Variants in MGMT observed in about 807,000 individuals in gnomAD.
MGMT encodes methylated-DNA--protein-cysteine methyltransferase.
MGMT carries 14 observed loss-of-function variants against 15.9 expected under a neutral mutation model. The ratio of observed to expected loss-of-function variants is 0.88; its 90% CI spans 0.58 to 1.37. The LOEUF is 1.37. Ranked by LOEUF, MGMT falls within the 40% of genes most tolerant of loss-of-function variation. The pLI is 0.00. For synonymous variants in MGMT, 130 were observed against 118.2 expected, an observed-to-expected ratio of 1.10 and a Z score of -0.65; for missense variants, 282 against 268.1, an observed-to-expected ratio of 1.05 and a Z score of -0.36.
At chr10:129,531,814 G>T (rs1845936063) in intron 1 of MGMT, among the ~76,000 whole-genome samples, 2 of 150,660 alleles carry the variant, frequency 1.3e-5, no homozygotes, top group Admixed American at 6.6e-5. Context: ...GTGGGGGTGG[G>T]TTCCAGCTCA....
At chr10:129,763,017 G>A (rs1357697837) in intron 4 of MGMT, among the ~76,000 whole-genome samples, 3 of 152,110 alleles carry the variant, frequency 2.0e-5, no homozygotes, top group South Asian at 2.1e-4. Context: ...ATATTCAGCC[G>A]GTACCAGAAT....
At chr10:129,723,305 A>G (rs941948501) in intron 3 of MGMT, among the ~76,000 whole-genome samples, 13 of 152,226 alleles carry the variant, frequency 8.5e-5, no homozygotes, top group African/African-American at 2.6e-4. Context: ...CCCAAAGTCT[A>G]TTGTGTCATT....
intron 1 of MGMT, among the ~76,000 whole-genome samples, chr10:129,490,740 C>T (rs2119655983): frequency 6.6e-6 from 1 of 152,218 alleles, no homozygotes; most frequent in East Asian, 1.9e-4. Context: ...TATCTGTCTT[C>T]TATTTGTCCC....
At chr10:129,560,111 G>T (rs1209146650) in intron 2 of MGMT, among the ~76,000 whole-genome samples, 1 of 152,232 alleles carries the variant, frequency 6.6e-6, no homozygotes, top group Non-Finnish European at 1.5e-5. Context: ...TGTGAAAAAG[G>T]TGCCTTCATT....
chr10:129,646,752 A>ATT (rs1180606132), intron 2 of MGMT, among the ~76,000 whole-genome samples: 2 of 81,890 alleles, frequency 2.4e-5, no homozygotes, highest in African/African-American at 8.5e-5. Flanking sequence ...ATATATATAT[A>ATT]TATTTTCAGG....
At chr10:129,676,465 G>A (rs1847787303) in intron 2 of MGMT, among the ~76,000 whole-genome samples, 1 of 152,182 alleles carries the variant, frequency 6.6e-6, no homozygotes, top group South Asian at 2.1e-4. Flanking sequence ...CTGTGAAGAG[G>A]TGCATCTCTG....
At chr10:129,625,768 C>T (rs1287207689) in intron 2 of MGMT, among the ~76,000 whole-genome samples, 1 of 152,122 alleles carries the variant, frequency 6.6e-6, no homozygotes, top group Non-Finnish European at 1.5e-5. Flanking sequence ...TGTGTGTACA[C>T]GTGTGCACCT....
chr10:129,686,873 A>G (rs553875378), intron 2 of MGMT, among the ~76,000 whole-genome samples: 1 of 152,356 alleles, frequency 6.6e-6, no homozygotes, highest in East Asian at 1.9e-4. Flanking sequence ...TGTTGCCAGC[A>G]TCTTCTGTCA....
intron 1 of MGMT, among the ~76,000 whole-genome samples, chr10:129,535,400 A>C (rs1223241080): frequency 2.0e-5 from 3 of 152,310 alleles, no homozygotes; most frequent in Non-Finnish European, 4.4e-5. Flanking sequence ...CGTCTCTAAA[A>C]AAAAAGAAAG....
intron 2 of MGMT, among the ~76,000 whole-genome samples, chr10:129,704,040 C>T (rs1848129646): frequency 6.6e-6 from 1 of 152,144 alleles, no homozygotes; most frequent in Non-Finnish European, 1.5e-5. Flanking sequence ...TGTTCGGCCG[C>T]CTTCCCCAGG....
At chr10:129,618,576 T>A (rs908593063) in intron 2 of MGMT, among the ~76,000 whole-genome samples, 4 of 152,064 alleles carry the variant, frequency 2.6e-5, no homozygotes, top group African/African-American at 9.6e-5. Flanking sequence ...TCTATAGATC[T>A]ATTTGCAGAG....
At chr10:129,720,951 A>T (rs1395119707) in intron 3 of MGMT, among the ~76,000 whole-genome samples, 1 of 152,096 alleles carries the variant, frequency 6.6e-6, no homozygotes, top group Admixed American at 6.5e-5. Flanking sequence ...GGAAAAAAAA[A>T]AAAGCAAGAA....
chr10:129,711,157 C>G (rs879718501), intron 3 of MGMT, among the ~76,000 whole-genome samples: 1 of 152,198 alleles, frequency 6.6e-6, no homozygotes, highest in Admixed American at 6.5e-5. Context: ...CACACGGCCT[C>G]TTCGCGGTAC....
chr10:129,710,200 G>A (rs117291335), intron 3 of MGMT, among the ~76,000 whole-genome samples: 5 of 152,170 alleles, frequency 3.3e-5, no homozygotes, highest in African/African-American at 9.6e-5. Flanking sequence ...CAGAGTAGCC[G>A]CCAGGATACT....
At chr10:129,635,231 C>G (rs2133085559) in intron 2 of MGMT, among the ~76,000 whole-genome samples, 1 of 152,322 alleles carries the variant, frequency 6.6e-6, no homozygotes, top group South Asian at 2.1e-4. Context: ...CCCATCAGTA[C>G]TCTGATGAAT....
intron 2 of MGMT, among the ~76,000 whole-genome samples, chr10:129,621,578 G>A (rs761578575): frequency 5.3e-5 from 8 of 152,182 alleles, no homozygotes; most frequent in Non-Finnish European, 1.0e-4. Context: ...AGATGAATGC[G>A]AGGCTGTTGA....
chr10:129,731,503 C>A (rs11016895), intron 3 of MGMT, among the ~76,000 whole-genome samples: 80,566 of 151,352 alleles, frequency 0.53, 21,857 homozygotes, highest in Middle Eastern at 0.71. Flanking sequence ...CTGCATATGC[C>A]GGCTGCCTCC....
At chr10:129,577,703 A>C (rs1846501639) in intron 2 of MGMT, among the ~76,000 whole-genome samples, 1 of 152,230 alleles carries the variant, frequency 6.6e-6, no homozygotes, top group Non-Finnish European at 1.5e-5. Context: ...AATTAAACTA[A>C]AGAGCTTCTG....
chr10:129,770,045 C>T lies in MGMT; in HGVS notation c.*3048C>T, dbSNP rs985703965. On this transcript the variant is annotated 3_prime_UTR_variant, in exon 5 of 5. Transcript: ENST00000651593. ...CCAGCAGAAACAGCTTACTGAACAC[C>T]CCTCGGGTGGCTGGATGATGTGCTA... Among the ~76,000 whole-genome samples the T allele has an allele frequency of 3.9e-5, 6 of 152,068 alleles. No individual in the cohort carries two copies. Among genetic ancestry groups the T allele is most frequent in the African/African-American group, 1.4e-4 (6 of 41,404 alleles).
Sources: gnomAD v4.1 joint callset for allele counts (sites outside exome capture counted in the v4.1 genomes callset) on GRCh38, gnomAD v4.1.1 for gene constraint, MANE v1.5 for transcripts, NCBI Gene and HGNC (gene_info 2026-07-23, HGNC 2026-07-21) for gene names.